The following CATSPERD variants were observed in gnomAD, a reference collection of about 807,000 sequenced individuals.
CATSPERD encodes cation channel sperm-associated auxiliary subunit delta.
In CATSPERD, 86 loss-of-function variants were observed where a neutral mutation model predicts 98.1. That is an observed-to-expected ratio of 0.88 (90% confidence interval 0.74 to 1.05). The LOEUF (loss-of-function observed/expected upper bound fraction) is 1.05, where lower values mean the gene tolerates loss of function less well. Ranked by LOEUF, CATSPERD falls within the 50% of genes least tolerant of loss-of-function variation. The pLI, the probability that CATSPERD is intolerant of heterozygous loss-of-function variation, is 0.00. For missense variants in CATSPERD, 995 were observed against 1,005.7 expected (o/e 0.99, Z 0.14); for synonymous variants, 394 against 390.2 (o/e 1.01, Z -0.12).
At chr19:5,768,400 G>A (rs547410679) in intron 18 of CATSPERD, among the ~76,000 whole-genome samples, 158 bp downstream of exon 18, 1 of 151,798 alleles carries the variant, frequency 6.6e-6, no homozygotes, top group African/African-American at 2.4e-5. Flanking sequence ...GCAGTGGCGC[G>A]ATCTCGGCTC....
chr19:5,756,323 T>C (rs1013551851), intron 13 of CATSPERD, among the ~76,000 whole-genome samples: 1 of 151,638 alleles, frequency 6.6e-6, no homozygotes, highest in Admixed American at 6.6e-5. Flanking sequence ...AATAAAAAAT[T>C]TAAAAGTAGG....
At chr19:5,727,528 A>G (rs2055628379) in intron 3 of CATSPERD, among the ~76,000 whole-genome samples, 184 bp downstream of exon 3, 1 of 152,176 alleles carries the variant, frequency 6.6e-6, no homozygotes, top group East Asian at 1.9e-4. Flanking sequence ...TCAGCCAGTA[A>G]CTAAAACAAC....
chr19:5,761,018 G>GT (rs1255689705), intron 15 of CATSPERD, among the ~76,000 whole-genome samples: 2 of 140,936 alleles, frequency 1.4e-5, no homozygotes, highest in Non-Finnish European at 3.1e-5. Context: ...GTTTTGTGAA[G>GT]TTTTTTTTAT....
chr19:5,728,687 A>ATCTC (rs535538690), intron 3 of CATSPERD, among the ~76,000 whole-genome samples: 2 of 147,190 alleles, frequency 1.4e-5, no homozygotes, highest in African/African-American at 2.5e-5. Context: ...AGCAAGACCC[A>ATCTC]TCTCTCTCTC....
At chr19:5,745,881 G>C in intron 8 of CATSPERD, 32 bp from the exon 9 acceptor site, 1 of 1,611,280 alleles carries the variant, frequency 6.2e-7, no homozygotes, top group Non-Finnish European at 8.5e-7. Flanking sequence ...GTAGGGTTTG[G>C]GGAGAGGCTG....
intron 11 of CATSPERD, among the ~76,000 whole-genome samples, chr19:5,750,647 A>G (rs2056194339): frequency 6.6e-6 from 1 of 151,382 alleles, no homozygotes; most frequent in South Asian, 2.1e-4. Flanking sequence ...AGGCAGGAGA[A>G]TGGCTTGAAC....
intron 7 of CATSPERD, among the ~76,000 whole-genome samples, chr19:5,742,449 T>C (rs1471985603): frequency 1.3e-5 from 2 of 152,174 alleles, no homozygotes; most frequent in African/African-American, 4.8e-5. Flanking sequence ...TCAGCACTGC[T>C]ACAGCCAGGA....
chr19:5,766,540 C>T (rs1328169837), intron 17 of CATSPERD, among the ~76,000 whole-genome samples: 1 of 151,566 alleles, frequency 6.6e-6, no homozygotes, highest in Non-Finnish European at 1.5e-5. Context: ...GCACGATTAG[C>T]CACATGGTAA....
intron 10 of CATSPERD, among the ~76,000 whole-genome samples, chr19:5,748,546 G>T (rs1362125297): frequency 1.3e-5 from 2 of 148,910 alleles, no homozygotes; most frequent in Non-Finnish European, 3.0e-5. Flanking sequence ...CAGGAGAATC[G>T]CTGGAACCCG....
chr19:5,761,405 G>A (rs1434361843), intron 15 of CATSPERD, among the ~76,000 whole-genome samples: 2 of 21,842 alleles, frequency 9.2e-5, no homozygotes, highest in Non-Finnish European at 2.3e-4. Context: ...CCCGGCCAGT[G>A]TTCAGAAATT....
intron 7 of CATSPERD, among the ~76,000 whole-genome samples, chr19:5,741,897 G>A (rs565137578): frequency 1.1e-4 from 17 of 150,940 alleles, no homozygotes; most frequent in East Asian, 1.9e-4. Flanking sequence ...TGGGTGTGGC[G>A]GCTGGCGTGC....
At chr19:5,729,469 G>A (rs1473121750) in intron 3 of CATSPERD, among the ~76,000 whole-genome samples, 1 of 152,164 alleles carries the variant, frequency 6.6e-6, no homozygotes. Context: ...TCTGGATAAT[G>A]AAATGATATA....
intron 1 of CATSPERD, 37 bp downstream of exon 1, chr19:5,720,845 C>T: frequency 6.4e-7 from 1 of 1,561,870 alleles, no homozygotes; most frequent in East Asian, 2.3e-5. Context: ...GGGGTGCTGC[C>T]GGGGGTCGGG....
chr19:5,758,034 A>G, intron 14 of CATSPERD, 102 bp downstream of exon 14: 1 of 962,298 alleles, frequency 1.0e-6, no homozygotes, highest in South Asian at 1.7e-5. Context: ...CAGGGTACAT[A>G]GCCCGTGGCC....
intron 18 of CATSPERD, among the ~76,000 whole-genome samples, chr19:5,768,928 C>T (rs918023033): frequency 2.0e-5 from 3 of 151,848 alleles, no homozygotes; most frequent in Admixed American, 1.3e-4. Context: ...CCGAGGTAGG[C>T]GGATCACTTG....
chr19:5,772,214 A>ATTTTTTTT lies in CATSPERD; in HGVS notation c.1764-550_1764-543dup, dbSNP rs35847357. 5.1e-4 allele frequency: 78 copies of ATTTTTTTT among 154,444 alleles called. 3 individuals are homozygous for ATTTTTTTT. Among genetic ancestry groups the ATTTTTTTT allele is most frequent in the Middle Eastern group, 2.8e-3 (1 of 358 alleles). The allele number at this position is 154,444 out of a possible 1,614,324, so 9.6% of individuals were successfully genotyped here. A position where few individuals can be genotyped will look rare whatever the true frequency, so the allele number is the denominator to read the frequency against. ...AGTTGCATACCACAATGCCCGGTTA[A>ATTTTTTTT]TTTTTTTTTTTTTTTTTTTTTTTTT... On this transcript the variant is annotated intron_variant, in intron 19 of 21. Transcript: ENST00000381624.
chr19:5,733,306 T>TC lies in CATSPERD; in HGVS notation c.277-550_277-549insC, dbSNP rs1491243915. The stretch of plus-strand genomic sequence containing the variant: ...ACTGCGCCTGGTCTCTTTCTTTTTC[T>TC]TTTTCTTTCTTTCTTTCTTTCTTTC... On this transcript the variant is annotated intron_variant, in intron 4 of 21. Coordinates refer to ENST00000381624, the MANE Select transcript of CATSPERD (RefSeq NM_152784.4). Among the ~76,000 whole-genome samples the TC allele has an allele frequency of 6.0e-3, 889 of 148,608 alleles. 8 individuals carry two copies. The highest frequency in any genetic ancestry group is 0.021 in the African/African-American group (826 of 39,334).
chr19:5,757,722 TG>T (rs2056352417), intron 13 of CATSPERD, 120 bp from the exon 14 acceptor site: 2 of 645,738 alleles, frequency 3.1e-6, no homozygotes, highest in South Asian at 4.0e-5. Flanking sequence ...ATTACAGATA[TG>T]AGCCACTACA....
intron 18 of CATSPERD, among the ~76,000 whole-genome samples, chr19:5,768,686 T>G (rs939670866): frequency 6.6e-6 from 1 of 151,980 alleles, no homozygotes. Flanking sequence ...CAGGCTGGAG[T>G]GCAGCGATGC....
Sources: gnomAD v4.1 joint callset for allele counts (sites outside exome capture counted in the v4.1 genomes callset) on GRCh38, gnomAD v4.1.1 for gene constraint, MANE v1.5 for transcripts, NCBI Gene and HGNC (gene_info 2026-07-23, HGNC 2026-07-21) for gene names.